The following ZSWIM5 variants were observed in gnomAD, a reference collection of about 807,000 sequenced individuals.
ZSWIM5 encodes the protein zinc finger SWIM domain-containing protein 5.
A neutral mutation model predicts 119.6 loss-of-function variants in ZSWIM5; 55 were observed. That is an observed-to-expected ratio of 0.46 (90% CI 0.37 to 0.58). The LOEUF is 0.58. Among genes scored for constraint, ZSWIM5 ranks in the 20% least tolerant of loss-of-function variants. The pLI, the probability that ZSWIM5 is intolerant of heterozygous loss-of-function variation, is 0.00. For synonymous variants in ZSWIM5, 537 were observed against 606.9 expected, an observed-to-expected ratio of 0.88 and a Z score of 1.69; for missense variants, 1,193 against 1,512.8, an observed-to-expected ratio of 0.79 and a Z score of 3.51.
intron 1 of ZSWIM5, among the ~76,000 whole-genome samples, chr1:45,101,534 C>A (rs1645439599): frequency 6.6e-6 from 1 of 152,148 alleles, no homozygotes; most frequent in South Asian, 2.1e-4. Context: ...AGAGATTCCA[C>A]TACTGAGTAT....
intron 1 of ZSWIM5, among the ~76,000 whole-genome samples, chr1:45,099,820 C>A (rs1645427175): frequency 6.6e-6 from 1 of 152,138 alleles, no homozygotes; most frequent in South Asian, 2.1e-4. Context: ...TCAATAGATG[C>A]AGAAAAGGCC....
intron 1 of ZSWIM5, among the ~76,000 whole-genome samples, chr1:45,118,103 G>GA (rs990443656): frequency 2.7e-5 from 4 of 148,896 alleles, no homozygotes; most frequent in African/African-American, 4.9e-5. Context: ...ACCCTGCCTT[G>GA]AAAAAAAAAA....
chr1:45,130,467 G>C (rs556313439), intron 1 of ZSWIM5, among the ~76,000 whole-genome samples: 6 of 151,904 alleles, frequency 3.9e-5, no homozygotes, highest in African/African-American at 1.4e-4. Context: ...AAAAAGGATA[G>C]ACAGATGGCA....
Position 45,203,626 on chromosome 1 carries a change from C to T in ZSWIM5, c.595+2130G>A, listed in dbSNP as rs74512725. 5.2e-3 allele frequency among the ~76,000 whole-genome samples: 789 copies of T among 152,114 alleles called. 23 individuals are homozygous for T. In the East Asian group the frequency reaches 0.096, roughly 19 times the overall value. The stretch of plus-strand genomic sequence containing the variant: ...TTGGTATATACGAATCACTTCCTTA[C>T]TCATCTCTTGGCAATACTTTTAGAA... On this transcript the variant is annotated intron_variant, in intron 1 of 13. Coordinates refer to ENST00000359600, the MANE Select transcript of ZSWIM5 (RefSeq NM_020883.2).
At chr1:45,189,450 T>C (rs1054224460) in intron 1 of ZSWIM5, among the ~76,000 whole-genome samples, 3 of 152,088 alleles carry the variant, frequency 2.0e-5, no homozygotes, top group African/African-American at 7.2e-5. Context: ...CAATACTATA[T>C]TTGATCTTTA....
intron 5 of ZSWIM5, among the ~76,000 whole-genome samples, chr1:45,049,059 A>T (rs1645074054): frequency 6.6e-6 from 1 of 152,196 alleles, no homozygotes; most frequent in South Asian, 2.1e-4. Context: ...GAAGCCTGGG[A>T]GACAGAAGTT....
chr1:45,070,470 T>C, intron 2 of ZSWIM5: 2 of 1,001,810 alleles, frequency 2.0e-6, no homozygotes, highest in East Asian at 5.0e-5. Flanking sequence ...GAATTTTATG[T>C]TCCAACAATT....
chr1:45,028,301 A>T (rs1644932251), intron 11 of ZSWIM5, among the ~76,000 whole-genome samples: 3 of 152,216 alleles, frequency 2.0e-5, no homozygotes, highest in Non-Finnish European at 4.4e-5. Flanking sequence ...ATGAAGACTT[A>T]TTCCTATGTT....
chr1:45,044,832 T>TAA (rs1645044075), intron 5 of ZSWIM5, among the ~76,000 whole-genome samples: 1 of 11,248 alleles, frequency 8.9e-5, no homozygotes, highest in Non-Finnish European at 1.5e-4. Context: ...AATATATATA[T>TAA]ATAAATATAT....
intron 2 of ZSWIM5, among the ~76,000 whole-genome samples, chr1:45,081,522 G>A (rs1431073581): frequency 3.3e-5 from 5 of 152,216 alleles, no homozygotes; most frequent in South Asian, 2.1e-4. Context: ...TGTGTTGGCC[G>A]GGCTGGTCTC....
intron 1 of ZSWIM5, among the ~76,000 whole-genome samples, chr1:45,122,552 G>C (rs530290868): frequency 1.3e-5 from 2 of 152,320 alleles, no homozygotes; most frequent in South Asian, 4.1e-4. Context: ...GCAGAAGGCA[G>C]ACTGGTTAGG....
chr1:45,098,167 G>A (rs1645416167), intron 1 of ZSWIM5, among the ~76,000 whole-genome samples: 2 of 152,162 alleles, frequency 1.3e-5, no homozygotes, highest in Admixed American at 1.3e-4. Context: ...AATGTTCAAA[G>A]AAGAGAAAGA....
intron 1 of ZSWIM5, among the ~76,000 whole-genome samples, chr1:45,180,313 G>A (rs530074893): frequency 4.6e-5 from 7 of 152,166 alleles, no homozygotes; most frequent in Admixed American, 1.3e-4. Context: ...TCCTACCCAC[G>A]GAGTCTCACT....
At chr1:45,075,985 C>T (rs1416078244) in intron 2 of ZSWIM5, among the ~76,000 whole-genome samples, 5 of 149,554 alleles carry the variant, frequency 3.3e-5, no homozygotes, top group Non-Finnish European at 7.4e-5. Flanking sequence ...AGCAAACAAA[C>T]GAGCCAAAAG....
intron 11 of ZSWIM5, among the ~76,000 whole-genome samples, chr1:45,030,275 T>A (rs1644944946): frequency 6.6e-6 from 1 of 152,034 alleles, no homozygotes; most frequent in Non-Finnish European, 1.5e-5. Context: ...CGAGATGGAA[T>A]CTTGCTCTGT....
At chr1:45,168,981 T>C (rs1002995885) in intron 1 of ZSWIM5, among the ~76,000 whole-genome samples, 1 of 152,112 alleles carries the variant, frequency 6.6e-6, no homozygotes, top group African/African-American at 2.4e-5. Flanking sequence ...GAATTTGTGC[T>C]ATCTGCTTTA....
chr1:45,043,012 T>C (rs1407369662), intron 6 of ZSWIM5, among the ~76,000 whole-genome samples: 1 of 152,184 alleles, frequency 6.6e-6, no homozygotes. Flanking sequence ...AGGATGCAAA[T>C]TCTTATTTGA....
At chr1:45,026,349 T>C (rs1644920768) in intron 11 of ZSWIM5, among the ~76,000 whole-genome samples, 1 of 152,278 alleles carries the variant, frequency 6.6e-6, no homozygotes, top group African/African-American at 2.4e-5. Flanking sequence ...ATTGTAGGTT[T>C]TTTTGTAGAA....
Position 45,139,190 on chromosome 1 carries a change from G to T in ZSWIM5, c.596-50953C>A, listed in dbSNP as rs7550841. On this transcript the variant is annotated intron_variant, in intron 1 of 13. Coordinates refer to ENST00000359600, the MANE Select transcript of ZSWIM5 (RefSeq NM_020883.2). Reference sequence around the variant, plus strand: ...AGCCACCACACCGGCCCTTTTTTCCGTTTTTTAAGAGACAACAGTCTCACT... The same window carrying T: ...AGCCACCACACCGGCCCTTTTTTCCTTTTTTTAAGAGACAACAGTCTCACT... Among the ~76,000 whole-genome samples the T allele has an allele frequency of 1.0e-2, 1,510 of 151,302 alleles. 30 individuals are homozygous for T. Among genetic ancestry groups the T allele is most frequent in the African/African-American group, 0.035 (1,449 of 41,254 alleles).
Sources: gnomAD v4.1 joint callset for allele counts (sites outside exome capture counted in the v4.1 genomes callset) on GRCh38, gnomAD v4.1.1 for gene constraint, MANE v1.5 for transcripts, NCBI Gene and HGNC (gene_info 2026-07-23, HGNC 2026-07-21) for gene names.